The following TSPAN7 variants were observed in gnomAD, a reference collection of about 807,000 sequenced individuals.
TSPAN7 encodes tetraspanin 7.
Under a neutral mutation model 17.6 loss-of-function variants are expected in TSPAN7, and 1 was observed. The ratio of observed to expected loss-of-function variants is 0.06; its 90% CI spans 0.02 to 0.27. The LOEUF (loss-of-function observed/expected upper bound fraction) is 0.27, where lower values mean the gene tolerates loss of function less well. Among genes scored for constraint, TSPAN7 ranks in the 10% least tolerant of loss-of-function variants. The pLI is 1.00. For missense variants in TSPAN7, 112 were observed against 201.7 expected (o/e 0.56, Z 2.69); for synonymous variants, 78 against 79.0 (o/e 0.99, Z 0.07).
intron 1 of TSPAN7, among the ~76,000 whole-genome samples, chrX:38,656,455 C>T (rs1052919603): frequency 1.3e-4 from 15 of 111,709 alleles, no homozygotes; most frequent in African/African-American, 4.9e-4. Flanking sequence ...TCTTCTTTCA[C>T]TGGTGGTTGG....
At chrX:38,598,222 C>T (rs2069328254) in intron 1 of TSPAN7, among the ~76,000 whole-genome samples, 1 of 111,379 alleles carries the variant, frequency 9.0e-6, no homozygotes, top group Admixed American at 9.5e-5. Context: ...ACCCATAGCC[C>T]ACTCTCTAGT....
intron 1 of TSPAN7, among the ~76,000 whole-genome samples, chrX:38,572,825 C>T (rs1380025285): frequency 8.9e-6 from 1 of 111,839 alleles, no homozygotes; most frequent in South Asian, 3.7e-4. Flanking sequence ...GAAGCTTTTG[C>T]GGACTTCTAG....
rs981807979 is a variant in TSPAN7, at chrX:38,671,944, A to C, written c.345+494A>C. On this transcript the variant is annotated intron_variant, in intron 3 of 7. Transcript: ENST00000378482. ...GCTTCTATAGTCCCAGCTACTTAGGAGGCTGAGGAGGGAGGATCACTTGAG... is the reference window on the plus strand; with the variant it reads ...GCTTCTATAGTCCCAGCTACTTAGGCGGCTGAGGAGGGAGGATCACTTGAG... 5.4e-5 allele frequency among the ~76,000 whole-genome samples: 6 copies of C among 111,105 alleles called. No homozygotes were observed. In the South Asian group the frequency reaches 1.1e-3, roughly 21 times the overall value.
intron 1 of TSPAN7, among the ~76,000 whole-genome samples, chrX:38,573,184 T>C (rs1251578667): frequency 8.9e-6 from 1 of 111,971 alleles, no homozygotes; most frequent in Non-Finnish European, 1.9e-5. Flanking sequence ...GTATCAATAC[T>C]TGTTAAATGA....
intron 6 of TSPAN7, among the ~76,000 whole-genome samples, chrX:38,685,286 C>G (rs1189000508): frequency 1.8e-5 from 2 of 111,543 alleles, no homozygotes; most frequent in Non-Finnish European, 3.8e-5. Context: ...GTTTTCTTAT[C>G]TGGAAAACTG....
At chrX:38,561,710 A>C in intron 1 of TSPAN7, 83 bp downstream of exon 1, 1 of 874,784 alleles carries the variant, frequency 1.1e-6, no homozygotes, top group East Asian at 3.7e-5. Flanking sequence ...GTGGGGAGGA[A>C]AACCCAAACC....
intron 1 of TSPAN7, chrX:38,566,377 A>G: frequency 2.1e-6 from 2 of 936,533 alleles, no homozygotes; most frequent in Non-Finnish European, 2.7e-6. Flanking sequence ...TGTGCTTTAA[A>G]GACTAGCAAA....
chrX:38,680,176 T>A (rs953706084), intron 5 of TSPAN7, among the ~76,000 whole-genome samples: 45 of 111,760 alleles, frequency 4.0e-4, no homozygotes, highest in African/African-American at 1.4e-3. Flanking sequence ...ATGCACCATT[T>A]TTTTTTCCTG....
intron 1 of TSPAN7, among the ~76,000 whole-genome samples, chrX:38,606,250 AG>A (rs1264167242): frequency 3.6e-5 from 4 of 111,787 alleles, no homozygotes; most frequent in African/African-American, 1.3e-4. Context: ...AAGTGGGCAA[AG>A]GACATGAACA....
chrX:38,658,260 A>G (rs1158809070), intron 1 of TSPAN7, among the ~76,000 whole-genome samples: 2 of 110,927 alleles, frequency 1.8e-5, no homozygotes, highest in African/African-American at 6.6e-5. Context: ...AGCTCACTGC[A>G]GCCTCGACCT....
chrX:38,638,470 C>T (rs1424990377), intron 1 of TSPAN7, among the ~76,000 whole-genome samples: 2 of 112,225 alleles, frequency 1.8e-5, no homozygotes, highest in African/African-American at 3.2e-5. Context: ...CATGTTTAAG[C>T]TGTATATGTG....
At chrX:38,634,784 C>A (rs2069570147) in intron 1 of TSPAN7, among the ~76,000 whole-genome samples, 1 of 111,399 alleles carries the variant, frequency 9.0e-6, no homozygotes, top group Non-Finnish European at 1.9e-5. Flanking sequence ...CATAAAACTT[C>A]TTTCCAGCCT....
At chrX:38,605,075 G>C (rs1387068487) in intron 1 of TSPAN7, among the ~76,000 whole-genome samples, 56 of 109,796 alleles carry the variant, frequency 5.1e-4, no homozygotes, top group African/African-American at 1.8e-3. Context: ...TTAGGCAGGA[G>C]AAGGAAATAA....
chrX:38,633,364 T>TTATTACAC (rs2069561510), intron 1 of TSPAN7, among the ~76,000 whole-genome samples: 1 of 111,921 alleles, frequency 8.9e-6, no homozygotes, highest in Admixed American at 9.5e-5. Context: ...GCTTGTCCAA[T>TTATTACAC]AATAGAAGCT....
In TSPAN7 at chrX:38,589,683, A is replaced by T. The variant is rs768095648; in HGVS notation, c.81+28056A>T. On this transcript the variant is annotated intron_variant, in intron 1 of 7. Transcript: ENST00000378482. ...TTTTATATTATAAGGTGAAACTTAAATATTTGTATTTTATGAATTTTCTGT... is the reference window on the plus strand; with the variant it reads ...TTTTATATTATAAGGTGAAACTTAATTATTTGTATTTTATGAATTTTCTGT... Among the ~76,000 whole-genome samples, 168 of 111,743 alleles carry T rather than the reference A, an allele frequency of 1.5e-3. 1 individual carries two copies. The highest frequency in any genetic ancestry group is 2.8e-3 in the Non-Finnish European group (150 of 53,082).
intron 1 of TSPAN7, among the ~76,000 whole-genome samples, chrX:38,569,964 CT>C (rs1238814907): frequency 8.9e-6 from 1 of 111,783 alleles, no homozygotes; most frequent in Non-Finnish European, 1.9e-5. Context: ...TTTTAAAAAG[CT>C]TTTGGATTTC....
chrX:38,653,478 A>T (rs1364717047), intron 1 of TSPAN7, among the ~76,000 whole-genome samples: 1 of 111,563 alleles, frequency 9.0e-6, no homozygotes, highest in African/African-American at 3.3e-5. Context: ...CAGAGTACTT[A>T]AGTTTCTTAA....
intron 1 of TSPAN7, among the ~76,000 whole-genome samples, chrX:38,579,249 G>A (rs1474804789): frequency 9.0e-6 from 1 of 111,055 alleles, no homozygotes; most frequent in Non-Finnish European, 1.9e-5. Context: ...CATTTGTAAT[G>A]TAGTTCATTA....
At chrX:38,681,139 G>A (rs757053829) in intron 5 of TSPAN7, 65 bp from the exon 6 acceptor site, 8 of 939,642 alleles carry the variant, frequency 8.5e-6, no homozygotes, top group East Asian at 3.1e-5. Context: ...AGTGTTTCGA[G>A]TACACATAGC....
Sources: gnomAD v4.1 joint callset for allele counts (sites outside exome capture counted in the v4.1 genomes callset) on GRCh38, gnomAD v4.1.1 for gene constraint, MANE v1.5 for transcripts, NCBI Gene and HGNC (gene_info 2026-07-23, HGNC 2026-07-21) for gene names.